The following TOP1MT variants were observed in gnomAD, a reference collection of about 807,000 sequenced individuals.
TOP1MT encodes the protein DNA topoisomerase I, mitochondrial.
Under a neutral mutation model 73.9 loss-of-function variants are expected in TOP1MT, and 80 were observed. The observed-to-expected ratio is 1.08, with a 90% CI of 0.90 to 1.30. The LOEUF is 1.30. TOP1MT is among the 50% of genes most tolerant of loss of function. The pLI is 0.00. For missense variants in TOP1MT, 815 were observed against 808.0 expected (o/e 1.01, Z -0.10); for synonymous variants, 338 against 326.4 (o/e 1.04, Z -0.38).
rs146513342 is a variant in TOP1MT, at chr8:143,315,705, G to C, written c.1553+22C>G. 5.6e-6 allele frequency: 9 copies of C among 1,606,168 alleles called. No individual in the cohort carries two copies. The Admixed American group carries it at 1.5e-4, about 27-fold the overall frequency. On this transcript the variant is annotated intron_variant, in intron 12 of 13. Transcript: ENST00000329245. ...TTGGGACAGGGCCCCGGGAGAAGGC[G>C]TCTGAGGGCACGGGTACTCACCTCC...
upstream of TOP1MT, among the ~76,000 whole-genome samples, chr8:143,335,203 C>T (rs962125773): frequency 1.3e-5 from 2 of 152,248 alleles, no homozygotes; most frequent in African/African-American, 2.4e-5. Context: ...CCAGGGCTTG[C>T]ACACAGCTCT....
At chr8:143,349,169 C>T (rs997381206), upstream of TOP1MT, among the ~76,000 whole-genome samples, 3 of 152,052 alleles carry the variant, frequency 2.0e-5, 1 homozygote, top group South Asian at 6.2e-4. Flanking sequence ...AAATCTCAAG[C>T]ACACACAAAC....
chr8:143,347,345 C>A (rs919262225), upstream of TOP1MT, among the ~76,000 whole-genome samples: 3 of 152,176 alleles, frequency 2.0e-5, no homozygotes, highest in Admixed American at 2.0e-4. Flanking sequence ...TTAGTAGAGA[C>A]AGGGTTTCAC....
rs760204808 is a variant in TOP1MT at position 143,326,251 on chromosome 8, G to C, written c.454C>G (p.Arg152Gly). The C allele has an allele frequency of 1.2e-6, 2 of 1,613,960 alleles. No homozygotes were observed. The highest frequency in any genetic ancestry group is 2.2e-5 in the South Asian group (2 of 91,084). ...TTCTCCTCCCTGCTCAGGACTTTCC[G>C]GGCTGCGGCCTTGTCCACAAAGTAT... ...HRYFVDKAAARKVLSREEKQK... is the reference protein window; with the variant it reads ...HRYFVDKAAAGKVLSREEKQK... The change falls in exon 4 of 14, where the codon CGG (arginine) becomes GGG (glycine). Residue 152 changes from arginine to glycine, a missense_variant. Transcript: ENST00000329245.
At chr8:143,355,932 T>G (rs2130481870) in intron 1 of TOP1MT, 1 of 152,260 alleles carries the variant, frequency 6.6e-6, no homozygotes, top group South Asian at 2.1e-4. Flanking sequence ...TTCACCTCAC[T>G]CTTAGAAGAG....
Position 143,341,965 on chromosome 8 carries a change from GAC to G in TOP1MT, c.29+1253_29+1254del, listed in dbSNP as rs1298603754. Among the ~76,000 whole-genome samples the G allele has an allele frequency of 1.5e-5, 2 of 131,058 alleles. No individual in the cohort carries two copies. The highest frequency in any genetic ancestry group is 5.4e-5 in the African/African-American group (2 of 37,044). 86.0% of individuals were successfully genotyped at this position (131,058 alleles called of 152,430 possible). A position where few individuals can be genotyped will look rare whatever the true frequency, so the allele number is the denominator to read the frequency against. On this transcript the variant is annotated intron_variant, in intron 2 of 5. Transcript: ENST00000518007. This position sits in a 1 kb window ranked among gnomAD's most constrained non-coding sequence, Gnocchi z 4.1. ...TCGCTCTGTTATTATTATTATTAGA[GAC>G]AGAGTCTCGCTGTTATTATTATTAT...
At chr8:143,347,341 G>C (rs972510840), upstream of TOP1MT, among the ~76,000 whole-genome samples, 5 of 152,172 alleles carry the variant, frequency 3.3e-5, no homozygotes, top group Non-Finnish European at 5.9e-5. Context: ...ATTTTTAGTA[G>C]AGACAGGGTT....
intron 3 of TOP1MT, among the ~76,000 whole-genome samples, 157 bp downstream of exon 3, chr8:143,329,193 G>A (rs1816784550): frequency 6.6e-6 from 1 of 152,126 alleles, no homozygotes; most frequent in Admixed American, 6.5e-5. Flanking sequence ...CTTGAGCCCA[G>A]GAGCTCGAAG....
chr8:143,354,118 C>T (rs1172653635), intron 1 of TOP1MT, among the ~76,000 whole-genome samples: 3 of 151,944 alleles, frequency 2.0e-5, no homozygotes, highest in African/African-American at 7.3e-5. Context: ...TACTTGTAGC[C>T]TCATTATTCA....
At chr8:143,347,102 A>G (rs1204757003), upstream of TOP1MT, among the ~76,000 whole-genome samples, 2 of 151,876 alleles carry the variant, frequency 1.3e-5, no homozygotes, top group Non-Finnish European at 2.9e-5. Flanking sequence ...CTCCTGCCTC[A>G]GTCTCCCAAG....
upstream of TOP1MT, among the ~76,000 whole-genome samples, chr8:143,358,973 A>G (rs191515118): frequency 1.3e-5 from 2 of 151,914 alleles, no homozygotes; most frequent in East Asian, 1.9e-4. Context: ...TGTTTTTTAA[A>G]TCACTATTAA....
intron 3 of TOP1MT, among the ~76,000 whole-genome samples, chr8:143,328,784 G>A (rs773236646): frequency 6.6e-4 from 100 of 152,346 alleles, no homozygotes; most frequent in Admixed American, 1.1e-3. Flanking sequence ...AAGATGCTGC[G>A]GGACAAGCAG....
chr8:143,324,241 C>G (rs879524673), intron 6 of TOP1MT, 99 bp from the exon 7 acceptor site: 18 of 1,520,398 alleles, frequency 1.2e-5, no homozygotes, highest in Non-Finnish European at 1.6e-5. Context: ...TGCTTCTCCA[C>G]TCAGTGGTGC....
At chr8:143,317,680 C>A (rs1196597103) in intron 10 of TOP1MT, 43 bp downstream of exon 10, 1 of 1,437,366 alleles carries the variant, frequency 7.0e-7, no homozygotes, top group Non-Finnish European at 9.3e-7. Flanking sequence ...GGGGCAGGGG[C>A]CGTGCTCCCC....
In TOP1MT at chr8:143,309,433, G is replaced by T. The variant is rs1217329994; in HGVS notation, c.*8C>A. The T allele has an allele frequency of 6.2e-7, 1 of 1,612,708 alleles. No homozygotes were observed. ...CACATACAAAAGAAGTTTCAACACG[G>T]CTCGTCGTTAGAATTCAAAGTCTTC... is the stretch of plus-strand genomic sequence containing the variant. On this transcript the variant is annotated 3_prime_UTR_variant, in exon 14 of 14. Coordinates refer to ENST00000329245, the MANE Select transcript of TOP1MT (RefSeq NM_052963.3).
At chr8:143,359,244 A>T, upstream of TOP1MT, 4 of 982,516 alleles carry the variant, frequency 4.1e-6, no homozygotes, top group Non-Finnish European at 4.8e-6. Flanking sequence ...AGACCAAAAG[A>T]AAAAAAAACA....
rs1311953973 is a variant in TOP1MT at position 143,324,118 on chromosome 8, CA to C, written c.840del (p.Phe280LeufsTer27). 3.1e-6 allele frequency: 5 copies of C among 1,613,730 alleles called. No individual in the cohort carries two copies. The highest frequency in any genetic ancestry group is 3.3e-5 in the Admixed American group (2 of 60,018). ...AATCCCCGCAGGCGTCGAGCTGTTTCAAACTTCTGCCAAGCTGTCTCCCCCT... is the reference window on the plus strand; with the variant it reads ...AATCCCCGCAGGCGTCGAGCTGTTTCAACTTCTGCCAAGCTGTCTCCCCCT... ...KLKGETAWQK[F>X]ETARRLRGFV... On this transcript the variant is annotated frameshift_variant, in exon 7 of 14. Coordinates refer to ENST00000329245, the MANE Select transcript of TOP1MT (RefSeq NM_052963.3). LOFTEE classifies it high-confidence loss of function.
upstream of TOP1MT, chr8:143,359,358 C>G (rs1344410952): frequency 3.2e-5 from 32 of 985,390 alleles, no homozygotes; most frequent in Non-Finnish European, 3.7e-5. Flanking sequence ...AAAAGGCCAA[C>G]TCCGGGAAGA....
At chr8:143,320,818 C>A (rs777396450) in intron 8 of TOP1MT, among the ~76,000 whole-genome samples, 1 of 152,158 alleles carries the variant, frequency 6.6e-6, no homozygotes, top group Non-Finnish European at 1.5e-5. Context: ...CGAGTGTGGG[C>A]GGGATGTGGC....
Sources: gnomAD v4.1 joint callset for allele counts (sites outside exome capture counted in the v4.1 genomes callset) on GRCh38, gnomAD v4.1.1 for gene constraint, Gnocchi (gnomAD v3.1) non-coding constraint, MANE v1.5 for transcripts, NCBI Gene and HGNC (gene_info 2026-07-23, HGNC 2026-07-21) for gene names.